The following RAD23B variants were observed in gnomAD, a reference collection of about 807,000 sequenced individuals.
The protein encoded by RAD23B is RAD23 nucleotide excision repair protein B, also known as lysine-specific demethylase RAD23B.
In RAD23B, 5 loss-of-function variants were observed where a neutral mutation model predicts 49.1. The observed-to-expected ratio is 0.10, with a 90% CI of 0.05 to 0.21. The LOEUF (loss-of-function observed/expected upper bound fraction) is 0.21, where lower values mean the gene tolerates loss of function less well. RAD23B is among the 10% of genes least tolerant of loss of function. The pLI, the probability that RAD23B is intolerant of heterozygous loss-of-function variation, is 1.00. For synonymous variants in RAD23B, 184 were observed against 165.4 expected (o/e 1.11, Z -0.86); for missense variants, 356 against 486.7 (o/e 0.73, Z 2.53).
chr9:107,322,877 G>A (rs1047098525), intron 7 of RAD23B, among the ~76,000 whole-genome samples: 1 of 152,156 alleles, frequency 6.6e-6, no homozygotes, highest in Non-Finnish European at 1.5e-5. Context: ...AGTGGAAAGA[G>A]ATGACCACAG....
At chr9:107,289,566 AG>A (rs1190327152) in intron 1 of RAD23B, among the ~76,000 whole-genome samples, 1 of 152,114 alleles carries the variant, frequency 6.6e-6, no homozygotes, top group Non-Finnish European at 1.5e-5. Flanking sequence ...GACATCAGTT[AG>A]GGGGCTTGTG....
chr9:107,289,827 C>G (rs1189489094), intron 1 of RAD23B, among the ~76,000 whole-genome samples: 1 of 152,192 alleles, frequency 6.6e-6, no homozygotes, highest in Admixed American at 6.5e-5. Flanking sequence ...TGGTACCACT[C>G]TCCCTCCATT....
intron 1 of RAD23B, among the ~76,000 whole-genome samples, chr9:107,298,153 C>A (rs1284293086): frequency 6.6e-6 from 1 of 152,226 alleles, no homozygotes; most frequent in Non-Finnish European, 1.5e-5. Flanking sequence ...CCATACACCA[C>A]TGAGTGCTCC....
At chr9:107,287,142 T>C (rs1405254661) in intron 1 of RAD23B, among the ~76,000 whole-genome samples, 1 of 152,102 alleles carries the variant, frequency 6.6e-6, no homozygotes, top group Admixed American at 6.5e-5. Flanking sequence ...TGGAATACAG[T>C]TTTTAAGCTC....
chr9:107,306,643 G>A lies in RAD23B; in HGVS notation c.493G>A (p.Asp165Asn), dbSNP rs1386224950. 4 of 1,613,028 alleles carry A rather than the reference G, an allele frequency of 2.5e-6. No homozygotes were observed. The highest frequency in any genetic ancestry group is 3.4e-6 in the Non-Finnish European group (4 of 1,179,392). The stretch of plus-strand genomic sequence containing the variant: ...AGTGGCTACTAGCCCAACAGCAACT[G>A]ACAGGTAGGAACTGGATTCTAGGAC... ...TPVATSPTAT[D>N]STSGDSSRSN... is the part of the protein sequence containing the mutation. Residue 165 changes from aspartate to asparagine, a missense_variant, in exon 4 of 10, where the codon GAC becomes AAC. Physicochemically the swap from Asp to Asn is conservative, Grantham distance 23. Around this residue, in one of 5 missense-constraint regions of RAD23B, gnomAD observed 137 missense variants for 122.0 expected, o/e 1.12. Transcript: ENST00000358015.
At chr9:107,297,525 G>C (rs1330735915) in intron 1 of RAD23B, among the ~76,000 whole-genome samples, 2 of 152,092 alleles carry the variant, frequency 1.3e-5, no homozygotes, top group Non-Finnish European at 2.9e-5. Context: ...ATTTTTAGTA[G>C]AGATGGGGTT....
chr9:107,290,384 C>T (rs1833357517), intron 1 of RAD23B, among the ~76,000 whole-genome samples: 2 of 152,178 alleles, frequency 1.3e-5, no homozygotes, highest in South Asian at 4.1e-4. Flanking sequence ...TTTTCCCCAT[C>T]TTAATGATAC....
intron 2 of RAD23B, among the ~76,000 whole-genome samples, chr9:107,301,774 C>G (rs1450791920): frequency 6.6e-6 from 1 of 152,040 alleles, no homozygotes; most frequent in Non-Finnish European, 1.5e-5. Context: ...CTCCTGGCCT[C>G]AAGCTATATT....
chr9:107,303,598 C>T (rs1306988713), intron 3 of RAD23B, among the ~76,000 whole-genome samples: 1 of 152,136 alleles, frequency 6.6e-6, no homozygotes, highest in Non-Finnish European at 1.5e-5. Flanking sequence ...CATTGTTTTG[C>T]AGCTATCACC....
chr9:107,284,839 G>A, intron 1 of RAD23B: 1 of 1,232,244 alleles, frequency 8.1e-7, no homozygotes. Flanking sequence ...CTATGACCTT[G>A]GGCAAATTAC....
rs11573682 is a variant in RAD23B at position 107,318,264 on chromosome 9, C to T, written c.554-488C>T. Reference sequence around the variant, plus strand: ...AGCCGGCATTCCTTTTTGGAGACTCCGGGGAAGAATTTTTTTCCTGATCCT... The same window carrying T: ...AGCCGGCATTCCTTTTTGGAGACTCTGGGGAAGAATTTTTTTCCTGATCCT... On this transcript the variant is annotated intron_variant, in intron 5 of 9. Coordinates refer to ENST00000358015, the MANE Select transcript of RAD23B (RefSeq NM_002874.5). The surrounding 1 kb of genome is among the most constrained non-coding windows in gnomAD (Gnocchi z 4.3). Among the ~76,000 whole-genome samples the T allele has an allele frequency of 0.019, 2,870 of 152,182 alleles. 98 individuals are homozygous for T. Among genetic ancestry groups the T allele is most frequent in the African/African-American group, 0.066 (2,723 of 41,508 alleles).
intron 1 of RAD23B, 138 bp downstream of exon 1, chr9:107,283,833 C>T (rs1396528363): frequency 3.2e-6 from 3 of 946,022 alleles, no homozygotes; most frequent in Non-Finnish European, 4.2e-6. Context: ...GGTGCCGGCC[C>T]TGGCGGCGTA....
chr9:107,317,533 G>T (rs1006517810), intron 5 of RAD23B, among the ~76,000 whole-genome samples: 6 of 151,970 alleles, frequency 3.9e-5, no homozygotes, highest in Admixed American at 2.6e-4. Flanking sequence ...CCTCAAAGAG[G>T]AATTAGGATG....
intron 6 of RAD23B, among the ~76,000 whole-genome samples, chr9:107,319,797 TGTG>T (rs1244756097): frequency 6.6e-6 from 1 of 152,232 alleles, no homozygotes; most frequent in African/African-American, 2.4e-5. Flanking sequence ...AATAGGTTGT[TGTG>T]GACATCAACT....
chr9:107,306,783 CAT>C (rs1826787184), intron 4 of RAD23B, 136 bp downstream of exon 4: 9 of 956,708 alleles, frequency 9.4e-6, no homozygotes, highest in Non-Finnish European at 1.2e-5. Flanking sequence ...TTGACTAAAA[CAT>C]ATGCTGCGTC....
At chr9:107,317,920 G>A (rs139527805) in intron 5 of RAD23B, among the ~76,000 whole-genome samples, 13 of 152,038 alleles carry the variant, frequency 8.6e-5, no homozygotes, top group East Asian at 3.9e-4. Flanking sequence ...TCTTTCCCCC[G>A]TTTCAGTTAT....
chr9:107,288,057 A>AT (rs1361549382), intron 1 of RAD23B, among the ~76,000 whole-genome samples: 1 of 152,204 alleles, frequency 6.6e-6, no homozygotes, highest in East Asian at 1.9e-4. Context: ...CAGAGGTGAA[A>AT]TTAAGAGTTC....
intron 3 of RAD23B, among the ~76,000 whole-genome samples, chr9:107,303,267 A>C (rs537427029): frequency 7.7e-4 from 117 of 152,312 alleles, no homozygotes; most frequent in African/African-American, 2.7e-3. Context: ...AGTGGATTAA[A>C]TGTGGGTTTT....
At chr9:107,310,711 A>G (rs1416402166) in intron 4 of RAD23B, among the ~76,000 whole-genome samples, 1 of 152,220 alleles carries the variant, frequency 6.6e-6, no homozygotes, top group Non-Finnish European at 1.5e-5. Flanking sequence ...TATATTAATC[A>G]TAGTATTCTT....
Sources: allele counts gnomAD v4.1 joint callset (sites outside exome capture counted in the v4.1 genomes callset), GRCh38; gene constraint gnomAD v4.1.1; regional missense constraint gnomAD v4.1.1; non-coding constraint Gnocchi (gnomAD v3.1); transcripts MANE v1.5; gene names NCBI Gene and HGNC (gene_info 2026-07-23, HGNC 2026-07-21).